Variants in SYT14 observed in about 807,000 individuals in gnomAD.
SYT14 encodes synaptotagmin 14.
Under a neutral mutation model 74.2 loss-of-function variants are expected in SYT14, and 32 were observed. The observed-to-expected ratio is 0.43, with a 90% confidence interval of 0.33 to 0.58. The LOEUF is 0.58. SYT14 is among the 20% of genes least tolerant of loss of function. SYT14 has a pLI of 0.05. For missense variants in SYT14, 791 were observed against 981.8 expected, an observed-to-expected ratio of 0.81 and a Z score of 2.60; for synonymous variants, 298 against 337.7, an observed-to-expected ratio of 0.88 and a Z score of 1.29.
chr1:210,036,798 A>G (rs2080674170), intron 5 of SYT14, among the ~76,000 whole-genome samples: 1 of 152,020 alleles, frequency 6.6e-6, no homozygotes, highest in Non-Finnish European at 1.5e-5. Context: ...ATCGTGGTGT[A>G]TTATATTTGT....
intron 5 of SYT14, among the ~76,000 whole-genome samples, chr1:210,089,133 G>A (rs974228987): frequency 3.3e-5 from 5 of 152,136 alleles, no homozygotes; most frequent in African/African-American, 1.2e-4. Flanking sequence ...TGTGGTGTTT[G>A]GTTTTCTGTT....
chr1:209,954,359 C>A (rs1281008293), intron 2 of SYT14, among the ~76,000 whole-genome samples: 1 of 151,668 alleles, frequency 6.6e-6, no homozygotes, highest in African/African-American at 2.4e-5. Context: ...CCGGGTAGTT[C>A]TCAAAGTATG....
intron 7 of SYT14, among the ~76,000 whole-genome samples, chr1:210,105,612 C>G (rs546114865): frequency 6.6e-6 from 1 of 152,162 alleles, no homozygotes; most frequent in Non-Finnish European, 1.5e-5. Flanking sequence ...TACATTAACC[C>G]CTGCGGTCGA....
intron 7 of SYT14, among the ~76,000 whole-genome samples, chr1:210,127,885 G>T (rs1286826145): frequency 1.3e-5 from 2 of 151,950 alleles, no homozygotes; most frequent in African/African-American, 4.8e-5. Flanking sequence ...AAATTAGCTG[G>T]GCATGGGGGC....
At chr1:209,983,112 T>C (rs1375100807) in intron 2 of SYT14, among the ~76,000 whole-genome samples, 1 of 152,174 alleles carries the variant, frequency 6.6e-6, no homozygotes, top group Non-Finnish European at 1.5e-5. Context: ...ATCAAATGTG[T>C]CTTTTGCAAA....
chr1:210,093,169 G>C (rs950802137), intron 5 of SYT14, among the ~76,000 whole-genome samples: 3 of 150,912 alleles, frequency 2.0e-5, no homozygotes, highest in Non-Finnish European at 4.4e-5. Flanking sequence ...TGCTACATTT[G>C]TGCAAATTAT....
At chr1:210,123,394 A>G (rs2082505798) in intron 7 of SYT14, among the ~76,000 whole-genome samples, 1 of 152,206 alleles carries the variant, frequency 6.6e-6, no homozygotes, top group Non-Finnish European at 1.5e-5. Context: ...ACAGAAGGAG[A>G]GAACTAATCT....
At chr1:210,008,819 A>G (rs2080035023) in intron 2 of SYT14, among the ~76,000 whole-genome samples, 1 of 152,218 alleles carries the variant, frequency 6.6e-6, no homozygotes, top group African/African-American at 2.4e-5. Flanking sequence ...AAGCAGATTC[A>G]TAGTATACAA....
chr1:210,018,473 G>A (rs1187892943), intron 4 of SYT14, among the ~76,000 whole-genome samples: 1 of 152,026 alleles, frequency 6.6e-6, no homozygotes, highest in African/African-American at 2.4e-5. Context: ...GTGATCTTTG[G>A]TAGGCCTAGT....
intron 2 of SYT14, among the ~76,000 whole-genome samples, chr1:209,984,689 CCTGAGA>C (rs2079542646): frequency 6.6e-6 from 1 of 152,062 alleles, no homozygotes; most frequent in Non-Finnish European, 1.5e-5. Flanking sequence ...GCTATAAATA[CCTGAGA>C]CTGGGTAATT....
chr1:209,940,367 C>T (rs1572040463), intron 1 of SYT14, among the ~76,000 whole-genome samples: 1 of 144,960 alleles, frequency 6.9e-6, no homozygotes, highest in African/African-American at 2.5e-5. Context: ...TTCAGTAGAC[C>T]TTTTTTTTTT....
At chr1:210,163,483 C>A (rs1205509419) in exon 10 of SYT14, 1 of 453,572 alleles carries the variant, frequency 2.2e-6, no homozygotes, top group African/African-American at 2.0e-5. Context: ...ATTACACATA[C>A]AACATAAATA....
intron 2 of SYT14, among the ~76,000 whole-genome samples, chr1:209,997,904 A>G (rs1410317425): frequency 6.6e-6 from 1 of 152,174 alleles, no homozygotes; most frequent in Non-Finnish European, 1.5e-5. Flanking sequence ...TAAGAATTCA[A>G]CATTCTTCTT....
At chr1:210,137,795 C>G (rs1260149266) in intron 7 of SYT14, among the ~76,000 whole-genome samples, 1 of 151,912 alleles carries the variant, frequency 6.6e-6, no homozygotes, top group Non-Finnish European at 1.5e-5. Flanking sequence ...ATTCTCCTGC[C>G]TCAGCTTCCT....
chr1:210,117,290 A>G (rs1021007107), intron 7 of SYT14, among the ~76,000 whole-genome samples: 1 of 152,142 alleles, frequency 6.6e-6, no homozygotes, highest in Non-Finnish European at 1.5e-5. Context: ...CTGATACTCT[A>G]TAATTCAGAT....
At chr1:209,966,061 G>A (rs531659168) in intron 2 of SYT14, 10 of 392,228 alleles carry the variant, frequency 2.5e-5, no homozygotes, top group African/African-American at 1.1e-4. Flanking sequence ...TAGTAGAGAC[G>A]GGGTTTCACC....
intron 7 of SYT14, among the ~76,000 whole-genome samples, chr1:210,109,189 G>C (rs554747184): frequency 6.6e-6 from 1 of 152,006 alleles, no homozygotes; most frequent in African/African-American, 2.4e-5. Flanking sequence ...GCCAACAAAC[G>C]TATGAAAAAA....
intron 1 of SYT14, among the ~76,000 whole-genome samples, chr1:209,946,354 G>T (rs140167712): frequency 2.2e-4 from 34 of 152,328 alleles, no homozygotes; most frequent in African/African-American, 7.9e-4. Flanking sequence ...AGTTGTGAAT[G>T]CAAAGGAAAA....
intron 7 of SYT14, among the ~76,000 whole-genome samples, chr1:210,127,030 A>G (rs1048477982): frequency 3.3e-5 from 5 of 152,106 alleles, no homozygotes; most frequent in African/African-American, 1.2e-4. Context: ...AGGGGCTTGG[A>G]TATTTAAAAT....
Sources: allele counts gnomAD v4.1 joint callset (sites outside exome capture counted in the v4.1 genomes callset), GRCh38; gene constraint gnomAD v4.1.1; transcripts MANE v1.5; gene names NCBI Gene and HGNC (gene_info 2026-07-23, HGNC 2026-07-21).